The following SORL1 variants were observed in gnomAD, a reference collection of about 807,000 sequenced individuals.
SORL1 encodes sortilin related receptor 1, also known as sortilin-related receptor.
Under a neutral mutation model 273.7 loss-of-function variants are expected in SORL1, and 127 were observed. That is an observed-to-expected ratio of 0.46 (90% confidence interval 0.40 to 0.54). The LOEUF is 0.54. Ranked by LOEUF, SORL1 falls within the 20% of genes least tolerant of loss-of-function variation. The pLI is 0.00. For missense variants in SORL1, 2,494 were observed against 2,846.1 expected, an observed-to-expected ratio of 0.88 and a Z score of 2.81; for synonymous variants, 1,031 against 1,067.4, an observed-to-expected ratio of 0.97 and a Z score of 0.66.
intron 42 of SORL1, among the ~76,000 whole-genome samples, chr11:121,619,512 C>T (rs1202661448): frequency 1.3e-5 from 2 of 152,086 alleles, no homozygotes; most frequent in African/African-American, 2.4e-5. Flanking sequence ...TAAGGATACA[C>T]GTACATACAT....
intron 21 of SORL1, among the ~76,000 whole-genome samples, chr11:121,562,589 C>T (rs574957233): frequency 5.9e-5 from 9 of 152,234 alleles, no homozygotes; most frequent in South Asian, 2.1e-4. Flanking sequence ...CTTTAGGAGC[C>T]GGCTGGGTTA....
intron 13 of SORL1, 44 bp from the exon 14 acceptor site, chr11:121,545,199 T>C (rs1331309480): frequency 1.3e-5 from 20 of 1,598,932 alleles, no homozygotes; most frequent in Non-Finnish European, 1.6e-5. Context: ...AAACCCTACA[T>C]GGGCCTGCCT....
chr11:121,573,924 C>T (rs987246616), intron 23 of SORL1, among the ~76,000 whole-genome samples: 15 of 152,208 alleles, frequency 9.9e-5, no homozygotes, highest in African/African-American at 3.1e-4. Context: ...TTTAGGAAGA[C>T]ACTTTTCGCG....
intron 37 of SORL1, among the ~76,000 whole-genome samples, chr11:121,607,537 C>T (rs1863497373): frequency 6.6e-6 from 1 of 152,218 alleles, no homozygotes; most frequent in Non-Finnish European, 1.5e-5. Context: ...GCTTTCCCTG[C>T]TTTTAACTCC....
intron 20 of SORL1, 151 bp from the exon 21 acceptor site, chr11:121,559,368 C>A: frequency 1.3e-6 from 1 of 752,778 alleles, no homozygotes; most frequent in Non-Finnish European, 2.1e-6. Flanking sequence ...GATAAAATTG[C>A]TGTCCTTTGC....
intron 40 of SORL1, 176 bp from the exon 41 acceptor site, chr11:121,614,695 C>T (rs1268840448): frequency 1.7e-6 from 1 of 591,260 alleles, no homozygotes; most frequent in African/African-American, 1.9e-5. Context: ...TACGTACCGT[C>T]ATCATCAGTA....
intron 3 of SORL1, 116 bp downstream of exon 3, chr11:121,478,359 G>A: frequency 1.7e-6 from 2 of 1,210,288 alleles, no homozygotes; most frequent in South Asian, 3.1e-5. Flanking sequence ...TAGCATGACT[G>A]GTGGCTAGTG....
intron 27 of SORL1, 33 bp downstream of exon 27, chr11:121,586,362 A>T (rs1863108961): frequency 6.7e-7 from 1 of 1,489,344 alleles, no homozygotes; most frequent in East Asian, 2.3e-5. Flanking sequence ...GGAAGCACTC[A>T]GGCCTAGTGA....
intron 12 of SORL1, among the ~76,000 whole-genome samples, chr11:121,533,148 T>G (rs1862225614): frequency 6.6e-6 from 1 of 151,616 alleles, no homozygotes; most frequent in African/African-American, 2.4e-5. Context: ...ATAGAAAGAC[T>G]AATAATAAAT....
chr11:121,598,084 G>A (rs1314338871), intron 32 of SORL1, among the ~76,000 whole-genome samples: 2 of 152,128 alleles, frequency 1.3e-5, no homozygotes, highest in African/African-American at 2.4e-5. Flanking sequence ...TAGATAGGGC[G>A]ACCCCTGTGC....
chr11:121,624,414 G>A (rs953351838), intron 45 of SORL1, among the ~76,000 whole-genome samples: 2 of 152,182 alleles, frequency 1.3e-5, no homozygotes, highest in African/African-American at 4.8e-5. Context: ...GGCCAGGGCT[G>A]TCCCCAGGAT....
intron 25 of SORL1, among the ~76,000 whole-genome samples, chr11:121,577,985 G>A (rs1862961352): frequency 6.6e-6 from 1 of 152,144 alleles, no homozygotes; most frequent in Non-Finnish European, 1.5e-5. Flanking sequence ...GGCAGACTGG[G>A]GGTGATAGGC....
chr11:121,472,257 T>C (rs1255691098), intron 2 of SORL1, among the ~76,000 whole-genome samples: 2 of 152,240 alleles, frequency 1.3e-5, no homozygotes, highest in Non-Finnish European at 2.9e-5. Flanking sequence ...ACAGGAGATA[T>C]ATATACTGTG....
rs12274796 is a variant in SORL1 at position 121,541,870 on chromosome 11, C to T, written c.1686-1678C>T. On this transcript the variant is annotated intron_variant, in intron 12 of 47. Transcript: ENST00000260197. ...GTTACTCAAATGCTGCTTAGTTTTT[C>T]AAGGGCTGGCTTCCTGCTTCTGTTA... 7.0e-3 allele frequency among the ~76,000 whole-genome samples: 1,064 copies of T among 152,324 alleles called. 11 individuals carry two copies. Among genetic ancestry groups the T allele is most frequent in the African/African-American group, 0.023 (955 of 41,572 alleles).
chr11:121,581,055 G>C (rs180760110), intron 25 of SORL1, among the ~76,000 whole-genome samples: 37 of 152,144 alleles, frequency 2.4e-4, no homozygotes, highest in African/African-American at 7.0e-4. Flanking sequence ...TGGGACTACA[G>C]ATGTGTGCCA....
chr11:121,560,501 T>G (rs976027623), intron 21 of SORL1, among the ~76,000 whole-genome samples: 1 of 152,216 alleles, frequency 6.6e-6, no homozygotes, highest in African/African-American at 2.4e-5. Flanking sequence ...GAATAGTCCC[T>G]TTAAGAATTT....
chr11:121,624,906 A>T (rs892454313), intron 45 of SORL1, among the ~76,000 whole-genome samples, 179 bp from the exon 46 acceptor site: 13 of 151,972 alleles, frequency 8.6e-5, no homozygotes, highest in African/African-American at 3.1e-4. Flanking sequence ...GATGAGAAAA[A>T]TTTTCATTTT....
At chr11:121,578,441 G>T (rs1862968739) in intron 25 of SORL1, among the ~76,000 whole-genome samples, 1 of 152,206 alleles carries the variant, frequency 6.6e-6, no homozygotes, top group Admixed American at 6.5e-5. Context: ...GCGGCTCAAA[G>T]CACGCCTACT....
At chr11:121,501,010 AG>A (rs1861700903) in intron 6 of SORL1, among the ~76,000 whole-genome samples, 2 of 152,212 alleles carry the variant, frequency 1.3e-5, no homozygotes, top group Admixed American at 1.3e-4. Context: ...GTGGGCTTCT[AG>A]ATGAGAAATC....
Sources: gnomAD v4.1 joint callset for allele counts (sites outside exome capture counted in the v4.1 genomes callset) on GRCh38, gnomAD v4.1.1 for gene constraint, MANE v1.5 for transcripts, NCBI Gene and HGNC (gene_info 2026-07-23, HGNC 2026-07-21) for gene names.